Variants in SRRM2 observed in about 807,000 individuals in gnomAD.
The protein encoded by SRRM2 is serine/arginine repetitive matrix protein 2.
SRRM2 carries 30 observed loss-of-function variants against 213.8 expected under a neutral mutation model. The ratio of observed to expected loss-of-function variants is 0.14; its 90% CI spans 0.10 to 0.19. The LOEUF (loss-of-function observed/expected upper bound fraction) is 0.19, where lower values mean the gene tolerates loss of function less well. Ranked by LOEUF, SRRM2 falls within the 10% of genes least tolerant of loss-of-function variation. The probability of loss-of-function intolerance (pLI) is 1.00; values close to 1 mark genes in which losing one functional copy is unlikely to be tolerated. For synonymous variants in SRRM2, 2,025 were observed against 1,377.7 expected (o/e 1.47, Z -10.40); for missense variants, 4,904 against 3,647.0 (o/e 1.34, Z -8.88).
At position 2,771,011 on chromosome 16, in the gene SRRM2, C is replaced by G. The variant is rs1567252701; in HGVS notation, c.*144C>G. 2.1e-6 allele frequency: 2 copies of G among 937,276 alleles called. No individual in the cohort carries two copies. Among genetic ancestry groups the G allele is most frequent in the Admixed American group, 5.7e-5 (2 of 35,038 alleles). The allele number at this position is 937,276 out of a possible 1,614,324, so 58.1% of individuals were successfully genotyped here. A position where few individuals can be genotyped will look rare whatever the true frequency, so the allele number is the denominator to read the frequency against. ...TGGATGGAGGGCTCCCTTTCCCTCC[C>G]CTTTTTTTTTTCTTTGTTCCTGTGA... On this transcript the variant is annotated 3_prime_UTR_variant, in exon 15 of 15. Coordinates refer to ENST00000301740, the MANE Select transcript of SRRM2 (RefSeq NM_016333.4).
At position 2,759,179 on chromosome 16, in the gene SRRM2, G is replaced by A. The variant is rs753171202; in HGVS notation, c.689+7G>A. Reference sequence around the variant, plus strand: ...CCAAGAAACGTAAGCATAGGTAAGAGCTCTTTAACTCATAGGGGGCGCAGT... The same window carrying A: ...CCAAGAAACGTAAGCATAGGTAAGAACTCTTTAACTCATAGGGGGCGCAGT... On this transcript the variant is annotated splice_region_variant and intron_variant, in intron 7 of 14. Coordinates refer to ENST00000301740, the MANE Select transcript of SRRM2 (RefSeq NM_016333.4). 13 of 1,614,064 alleles carry A rather than the reference G, an allele frequency of 8.1e-6. No homozygotes were observed. The highest frequency in any genetic ancestry group is 1.1e-5 in the South Asian group (1 of 91,084).
chr16:2,767,021 C>A lies in SRRM2; in HGVS notation c.6493C>A (p.Pro2165Thr). ...GATGGATGGTCCAGGTCCCCGAATA[C>A]CTGACCACCAGAGAACATCTGTGCC... ...SMMDGPGPRIPDHQRTSVPEN... is the reference protein window; with the variant it reads ...SMMDGPGPRITDHQRTSVPEN... Residue 2165 changes from proline (P) to threonine (T), a missense_variant, in exon 11 of 15, where the codon CCT (proline) becomes ACT (threonine). Transcript: ENST00000301740. 6.2e-7 allele frequency: 1 copy of A among 1,614,180 alleles called. No individual in the cohort carries two copies. The highest frequency in any genetic ancestry group is 1.1e-5 in the South Asian group (1 of 91,078).
At chr16:2,757,102 T>C (rs1437541659) in intron 2 of SRRM2, among the ~76,000 whole-genome samples, 2 of 152,236 alleles carry the variant, frequency 1.3e-5, no homozygotes, top group Non-Finnish European at 1.5e-5. Flanking sequence ...AGAAAACTCT[T>C]TTAGAGCAGT....
chr16:2,763,577 C>G lies in SRRM2; in HGVS notation c.3049C>G (p.Pro1017Ala). The G allele has an allele frequency of 6.2e-7, 1 of 1,614,152 alleles. No homozygotes were observed. Among genetic ancestry groups the G allele is most frequent in the East Asian group, 2.2e-5 (1 of 44,886 alleles). The part of the protein sequence containing the change: ...PSLSGSKSPC[P>A]QEKSKDSLVQ... ...TCTTTCTGGATCAAAGTCACCATGT[C>G]CCCAAGAGAAGTCTAAAGACTCACT... The change falls in exon 11 of 15, where the codon CCC becomes GCC. Residue 1017 changes from proline (P) to alanine (A), a missense_variant. Physicochemically the swap from Pro to Ala is conservative, Grantham distance 27 (BLOSUM62 -1). Coordinates refer to ENST00000301740, the MANE Select transcript of SRRM2 (RefSeq NM_016333.4).
Position 2,762,860 on chromosome 16 carries a change from A to T in SRRM2, c.2332A>T (p.Ser778Cys), listed in dbSNP as rs774730068. ...KAKSRLSLRR[S>C]LSGSSPCPKQ... is the part of the protein sequence containing the mutation. ...AAAATCTCGCTTGTCTTTGAGGCGC[A>T]GCCTTTCAGGGTCTTCCCCATGCCC... The change falls in exon 11 of 15, where the codon AGC becomes TGC. Residue 778 changes from serine to cysteine, a missense_variant. By Grantham distance (112) the Ser-to-Cys change is moderately radical. Coordinates refer to ENST00000301740, the MANE Select transcript of SRRM2 (RefSeq NM_016333.4). The T allele has an allele frequency of 6.2e-7, 1 of 1,614,174 alleles. No homozygotes were observed. The highest frequency in any genetic ancestry group is 8.5e-7 in the Non-Finnish European group (1 of 1,180,028).
At position 2,763,587 on chromosome 16, in the gene SRRM2, A is replaced by G. The variant is rs768646916; in HGVS notation, c.3059A>G (p.Lys1020Arg). The G allele has an allele frequency of 1.3e-5, 21 of 1,614,156 alleles. No individual in the cohort carries two copies. The South Asian group carries it at 2.3e-4, about 18-fold the overall frequency. The change falls in exon 11 of 15, where the codon AAG becomes AGG. Residue 1020 changes from lysine to arginine, a missense_variant. Coordinates refer to ENST00000301740, the MANE Select transcript of SRRM2 (RefSeq NM_016333.4). Reference sequence around the variant, plus strand: ...TCAAAGTCACCATGTCCCCAAGAGAAGTCTAAAGACTCACTAGTTCAAAGT... The same window carrying G: ...TCAAAGTCACCATGTCCCCAAGAGAGGTCTAAAGACTCACTAGTTCAAAGT... The part of the protein sequence containing the change: ...SGSKSPCPQE[K>R]SKDSLVQSCP...
In SRRM2 at chr16:2,768,150, G is replaced by C. The variant is rs1261496313; in HGVS notation, c.7622G>C (p.Ser2541Thr). The C allele has an allele frequency of 1.2e-6, 2 of 1,613,300 alleles. No individual in the cohort carries two copies. The highest frequency in any genetic ancestry group is 1.7e-6 in the Non-Finnish European group (2 of 1,179,546). ...TCCTCCTCGTCGTCGTCGTCCTCTA[G>C]CTCCTCCTCTTCTTCATCATCGTCG... is the stretch of plus-strand genomic sequence containing the variant. ...RSSSSSSSSS[S>T]SSSSSSSSSS... The change falls in exon 11 of 15, where the codon AGC (serine) becomes ACC (threonine). Residue 2541 changes from serine (S) to threonine (T), a missense_variant. Coordinates refer to ENST00000301740, the MANE Select transcript of SRRM2 (RefSeq NM_016333.4).
chr16:2,761,824 G>T lies in SRRM2; in HGVS notation c.1296G>T (p.Arg432=). 1.2e-6 allele frequency: 2 copies of T among 1,613,656 alleles called. No individual in the cohort carries two copies. Among genetic ancestry groups the T allele is most frequent in the Non-Finnish European group, 1.7e-6 (2 of 1,179,994 alleles). ...PPSPQPTKVS[R]HASSSPESPK... is the part of the protein sequence containing the mutation. ...CCCCTCAACCTACCAAAGTTTCTCG[G>T]CATGCCAGCTCTTCCCCAGAAAGTC... The change falls in exon 11 of 15, where the codon CGG becomes CGT. Residue 432 remains arginine, a synonymous_variant. Transcript: ENST00000301740.
At position 2,765,826 on chromosome 16, in the gene SRRM2, G is replaced by C; in HGVS notation, c.5298G>C (p.Lys1766Asn). The C allele has an allele frequency of 6.2e-7, 1 of 1,614,004 alleles. No individual in the cohort carries two copies. The highest frequency in any genetic ancestry group is 8.5e-7 in the Non-Finnish European group (1 of 1,180,022). Residue 1766 changes from lysine (K) to asparagine (N), a missense_variant, in exon 11 of 15, where the codon AAG (lysine) becomes AAC (asparagine). Lys to Asn is a moderately conservative substitution (Grantham distance 94). Transcript: ENST00000301740. ...GGAGAGGCCGCTCTCCTTCGCCAAA[G>C]CCTCGTGGACTCCAGAGGTCCCGTT... ...TSRRGRSPSP[K>N]PRGLQRSRSR...
Position 2,763,363 on chromosome 16 carries a change from A to T in SRRM2, c.2835A>T (p.Thr945=). 1.2e-6 allele frequency: 2 copies of T among 1,614,144 alleles called. No homozygotes were observed. The highest frequency in any genetic ancestry group is 1.7e-6 in the Non-Finnish European group (2 of 1,180,022). The change falls in exon 11 of 15, where the codon ACA becomes ACT. Residue 945 remains threonine, a synonymous_variant. Coordinates refer to ENST00000301740, the MANE Select transcript of SRRM2 (RefSeq NM_016333.4). ...SPSPSRVTSR[T]TPRRSRSVSP... The stretch of plus-strand genomic sequence containing the variant: ...GTCCTAGTAGGGTGACGTCGAGAAC[A>T]ACTCCACGGCGAAGCAGATCAGTAT...
In SRRM2 at chr16:2,762,497, C is replaced by G. The variant is rs199497812; in HGVS notation, c.1969C>G (p.Arg657Gly). 2 of 1,613,038 alleles carry G rather than the reference C, an allele frequency of 1.2e-6. No individual in the cohort carries two copies. The highest frequency in any genetic ancestry group is 2.7e-5 in the African/African-American group (2 of 74,702). Residue 657 changes from arginine (R) to glycine (G), a missense_variant, in exon 11 of 15, where the codon CGC becomes GGC. Arg to Gly is a moderately radical substitution (Grantham distance 125, BLOSUM62 -2). Coordinates refer to ENST00000301740, the MANE Select transcript of SRRM2 (RefSeq NM_016333.4). ...CTCTAGAACCCCAGCTAGACGTGGC[C>G]GCTCACGCTCCAGAACCCCAGCCAG... ...SRSRTPARRG[R>G]SRSRTPARRG... is the part of the protein sequence containing the mutation.
chr16:2,763,527 A>C lies in SRRM2; in HGVS notation c.2999A>C (p.Lys1000Thr). 1 of 1,614,162 alleles carries C rather than the reference A, an allele frequency of 6.2e-7. No homozygotes were observed. The highest frequency in any genetic ancestry group is 8.5e-7 in the Non-Finnish European group (1 of 1,180,016). The change falls in exon 11 of 15, where the codon AAG (lysine) becomes ACG (threonine). Residue 1000 changes from lysine to threonine, a missense_variant. Lys to Thr is a moderately conservative substitution (Grantham distance 78). Coordinates refer to ENST00000301740, the MANE Select transcript of SRRM2 (RefSeq NM_016333.4). ...TCTATTTCACCATACCCCAAAGTAA[A>C]GGCCCAAACTCCACCGGGGCCAAGT... ...SGSISPYPKV[K>T]AQTPPGPSLS...
chr16:2,754,203 T>G (rs879564069), intron 1 of SRRM2, among the ~76,000 whole-genome samples: 1 of 152,122 alleles, frequency 6.6e-6, no homozygotes, highest in Non-Finnish European at 1.5e-5. Context: ...GGTCGTCGTC[T>G]TTTTTTGTGG....
rs781663888 is a variant in SRRM2, at chr16:2,761,727, C to T, written c.1199C>T (p.Thr400Ile). ...AACCCCCCATCTGAGGCCTCTCCAA[C>T]TCGGGACCGTTCACCACCTAAGTCT... Reference protein sequence around the residue: ...PVNPPSEASPTRDRSPPKSPE... With the variant: ...PVNPPSEASPIRDRSPPKSPE... The change falls in exon 11 of 15, where the codon ACT becomes ATT. Residue 400 changes from threonine (T) to isoleucine (I), a missense_variant. Thr to Ile is a moderately conservative substitution (Grantham distance 89). Coordinates refer to ENST00000301740, the MANE Select transcript of SRRM2 (RefSeq NM_016333.4). 5 of 1,610,112 alleles carry T rather than the reference C, an allele frequency of 3.1e-6. No individual in the cohort carries two copies. In the Admixed American group the frequency reaches 5.0e-5, roughly 16 times the overall value.
In SRRM2 at chr16:2,763,234, C is replaced by T. The variant is rs867155612; in HGVS notation, c.2706C>T (p.Ser902=). ...CCTCTCCTCCTAGAGTGAAATCTAG[C>T]ACACCTCCCAGACAGAGCCCATCTA... ...SGSSPPRVKS[S]TPPRQSPSRS... Residue 902 remains serine, a synonymous_variant, in exon 11 of 15, where the codon AGC becomes AGT. Transcript: ENST00000301740. The T allele has an allele frequency of 1.9e-6, 3 of 1,614,098 alleles. No individual in the cohort carries two copies. Among genetic ancestry groups the T allele is most frequent in the Non-Finnish European group, 2.5e-6 (3 of 1,180,028 alleles).
In SRRM2 at chr16:2,763,529, G is replaced by A. The variant is rs1423424564; in HGVS notation, c.3001G>A (p.Ala1001Thr). Reference protein sequence around the residue: ...GSISPYPKVKAQTPPGPSLSG... With the variant: ...GSISPYPKVKTQTPPGPSLSG... ...TATTTCACCATACCCCAAAGTAAAG[G>A]CCCAAACTCCACCGGGGCCAAGTCT... is the stretch of plus-strand genomic sequence containing the variant. The change falls in exon 11 of 15, where the codon GCC (alanine) becomes ACC (threonine). Residue 1001 changes from alanine to threonine, a missense_variant. Transcript: ENST00000301740. 2 of 1,613,914 alleles carry A rather than the reference G, an allele frequency of 1.2e-6. No homozygotes were observed. The highest frequency in any genetic ancestry group is 2.2e-5 in the East Asian group (1 of 44,882).
rs1287956911 is a variant in SRRM2, at chr16:2,764,561, A to C, written c.4033A>C (p.Thr1345Pro). 2 of 1,614,186 alleles carry C rather than the reference A, an allele frequency of 1.2e-6. No homozygotes were observed. The change falls in exon 11 of 15, where the codon ACT becomes CCT. Residue 1345 changes from threonine to proline, a missense_variant. Thr to Pro is a conservative substitution (Grantham distance 38, BLOSUM62 -1). Coordinates refer to ENST00000301740, the MANE Select transcript of SRRM2 (RefSeq NM_016333.4). The part of the protein sequence containing the change: ...NSGPLGTEMN[T>P]GFSSEVKEDL... ...AGGCCCACTTGGTACAGAAATGAAT[A>C]CTGGATTTTCTTCTGAGGTTAAAGA...
At position 2,764,343 on chromosome 16, in the gene SRRM2, C is replaced by T; in HGVS notation, c.3815C>T (p.Pro1272Leu). 1 of 1,614,184 alleles carries T rather than the reference C, an allele frequency of 6.2e-7. No homozygotes were observed. The highest frequency in any genetic ancestry group is 1.7e-4 in the Middle Eastern group (1 of 6,060). The change falls in exon 11 of 15, where the codon CCT becomes CTT. Residue 1272 changes from proline (P) to leucine (L), a missense_variant. By Grantham distance (98) the Pro-to-Leu change is moderately conservative. Coordinates refer to ENST00000301740, the MANE Select transcript of SRRM2 (RefSeq NM_016333.4). Reference sequence around the variant, plus strand: ...TCCACAAGTAACTTTGAATCATCTCCTGAAGTAGAAGAAAGGCCTGCTGTG... The same window carrying T: ...TCCACAAGTAACTTTGAATCATCTCTTGAAGTAGAAGAAAGGCCTGCTGTG... ...EMSTSNFESS[P>L]EVEERPAVSL...
rs144947349 is a variant in SRRM2 at position 2,765,255 on chromosome 16, G to A, written c.4727G>A (p.Arg1576Lys). 91 of 1,613,980 alleles carry A rather than the reference G, an allele frequency of 5.6e-5. 1 individual carries two copies. The highest frequency in any genetic ancestry group is 3.3e-5 in the Admixed American group (2 of 60,002). ...AAGACAAGAACCCCACTTCGGCAGA[G>A]GAGTCGGTCTGGATCATCTCCAGAG... ...KAKTRTPLRQ[R>K]SRSGSSPEVD... Residue 1576 changes from arginine to lysine, a missense_variant, in exon 11 of 15, where the codon AGG (arginine) becomes AAG (lysine). By Grantham distance (26) the Arg-to-Lys change is conservative. Transcript: ENST00000301740.
Sources: gnomAD v4.1 joint callset for allele counts (sites outside exome capture counted in the v4.1 genomes callset) on GRCh38, gnomAD v4.1.1 for gene constraint, MANE v1.5 for transcripts, NCBI Gene and HGNC (gene_info 2026-07-23, HGNC 2026-07-21) for gene names.